Variants in FAF1 observed in about 807,000 individuals in gnomAD.
The protein encoded by FAF1 is FAS-associated factor 1.
A neutral mutation model predicts 92.5 loss-of-function variants in FAF1; 25 were observed. That is an observed-to-expected ratio of 0.27 (90% CI 0.20 to 0.38). The LOEUF (loss-of-function observed/expected upper bound fraction) is 0.38, where lower values mean the gene tolerates loss of function less well. FAF1 is among the 10% of genes least tolerant of loss of function. FAF1 has a pLI of 1.00. For synonymous variants in FAF1, 234 were observed against 273.2 expected, an observed-to-expected ratio of 0.86 and a Z score of 1.42; for missense variants, 636 against 793.3, an observed-to-expected ratio of 0.80 and a Z score of 2.38.
At chr1:50,870,225 G>C (rs1231516517) in intron 1 of FAF1, among the ~76,000 whole-genome samples, 1 of 152,216 alleles carries the variant, frequency 6.6e-6, no homozygotes, top group Non-Finnish European at 1.5e-5. Context: ...GGGAGGCCAA[G>C]GCGGACTGAC....
At chr1:50,865,957 T>G (rs1368888444) in intron 1 of FAF1, among the ~76,000 whole-genome samples, 1 of 151,318 alleles carries the variant, frequency 6.6e-6, no homozygotes, top group Non-Finnish European at 1.5e-5. Context: ...ATACTACAAC[T>G]GATACTAACC....
At chr1:50,673,595 T>A (rs1370507103) in intron 7 of FAF1, among the ~76,000 whole-genome samples, 1 of 152,068 alleles carries the variant, frequency 6.6e-6, no homozygotes, top group African/African-American at 2.4e-5. Context: ...ATTCATAAAT[T>A]TCAGAGTTAG....
At chr1:50,823,284 C>G (rs1644062916) in intron 2 of FAF1, among the ~76,000 whole-genome samples, 1 of 152,136 alleles carries the variant, frequency 6.6e-6, no homozygotes, top group Non-Finnish European at 1.5e-5. Context: ...CAATTTAATT[C>G]AGGAAAGTAG....
chr1:50,776,556 A>G (rs1660969864), intron 4 of FAF1, among the ~76,000 whole-genome samples: 2 of 152,156 alleles, frequency 1.3e-5, no homozygotes, highest in Non-Finnish European at 2.9e-5. Flanking sequence ...TTAATAGTCC[A>G]TCAAAAAAAA....
At chr1:50,818,451 C>T (rs1050787765) in intron 2 of FAF1, among the ~76,000 whole-genome samples, 8 of 152,140 alleles carry the variant, frequency 5.3e-5, no homozygotes, top group African/African-American at 9.7e-5. Flanking sequence ...TACAAATATT[C>T]GTACCGGATA....
chr1:50,446,286 T>G (rs531416567), intron 18 of FAF1, among the ~76,000 whole-genome samples: 1 of 152,212 alleles, frequency 6.6e-6, no homozygotes, highest in Admixed American at 6.5e-5. Context: ...TCTAGTCACA[T>G]CCTTCTGCCT....
intron 3 of FAF1, among the ~76,000 whole-genome samples, chr1:50,796,805 T>C (rs1177001182): frequency 6.6e-6 from 1 of 152,142 alleles, no homozygotes; most frequent in Non-Finnish European, 1.5e-5. Flanking sequence ...TCTGTGTAAC[T>C]GACTCCCTAT....
At chr1:50,780,796 T>C (rs1270789838) in intron 4 of FAF1, 1 of 388,998 alleles carries the variant, frequency 2.6e-6, no homozygotes, top group Non-Finnish European at 5.1e-6. Context: ...AGTGATGGAC[T>C]TACGGAGTGA....
chr1:50,513,093 A>G (rs891125251), intron 15 of FAF1, among the ~76,000 whole-genome samples: 14 of 152,178 alleles, frequency 9.2e-5, no homozygotes, highest in African/African-American at 3.4e-4. Context: ...GGAAAACCAG[A>G]TGGTGGGACT....
chr1:50,603,071 A>T (rs1180158701), intron 8 of FAF1, among the ~76,000 whole-genome samples: 1 of 152,206 alleles, frequency 6.6e-6, no homozygotes, highest in African/African-American at 2.4e-5. Flanking sequence ...AACCAAAATT[A>T]AAACTCAGGC....
chr1:50,731,981 C>G (rs1351143726), intron 6 of FAF1, among the ~76,000 whole-genome samples: 1 of 152,046 alleles, frequency 6.6e-6, no homozygotes, highest in Non-Finnish European at 1.5e-5. Flanking sequence ...ACTACATGGT[C>G]AGTTTTCTAA....
intron 4 of FAF1, among the ~76,000 whole-genome samples, chr1:50,762,377 G>A (rs1214912285): frequency 5.3e-5 from 8 of 152,034 alleles, no homozygotes; most frequent in South Asian, 4.2e-4. Context: ...AGTCTGCATC[G>A]CCAAGTCAAT....
chr1:50,794,401 C>T (rs957790094), intron 3 of FAF1, among the ~76,000 whole-genome samples: 1 of 152,182 alleles, frequency 6.6e-6, no homozygotes, highest in Non-Finnish European at 1.5e-5. Context: ...GAAAAGCCCC[C>T]CACTGGGGAG....
chr1:50,899,504 G>A (rs997555063), intron 1 of FAF1, among the ~76,000 whole-genome samples: 2 of 152,092 alleles, frequency 1.3e-5, no homozygotes, highest in African/African-American at 2.4e-5. Context: ...GTCTCACTCT[G>A]TCACCCAAGC....
chr1:50,608,391 G>A (rs1192259211), intron 8 of FAF1, among the ~76,000 whole-genome samples: 2 of 152,210 alleles, frequency 1.3e-5, no homozygotes, highest in Non-Finnish European at 2.9e-5. Context: ...TTTTACATGA[G>A]TGGGTCAGGA....
At chr1:50,777,743 GA>G (rs549071005) in intron 4 of FAF1, among the ~76,000 whole-genome samples, 2,373 of 79,890 alleles carry the variant, frequency 0.03, 29 homozygotes, top group African/African-American at 0.065. Context: ...TTCATTTTAA[GA>G]AAAAAAAAAA....
At chr1:50,603,225 A>G (rs926268580) in intron 8 of FAF1, among the ~76,000 whole-genome samples, 2 of 152,240 alleles carry the variant, frequency 1.3e-5, no homozygotes, top group African/African-American at 4.8e-5. Context: ...CATTAGTCAG[A>G]AACTACATAG....
At chr1:50,596,302 T>C in intron 8 of FAF1, 86 bp from the exon 9 acceptor site, 1 of 928,874 alleles carries the variant, frequency 1.1e-6, no homozygotes, top group Non-Finnish European at 1.7e-6. Context: ...TTTCTATTAT[T>C]GCTGAAGCTA....
intron 4 of FAF1, among the ~76,000 whole-genome samples, chr1:50,784,406 C>T (rs947580333): frequency 6.6e-6 from 1 of 151,966 alleles, no homozygotes; most frequent in African/African-American, 2.4e-5. Context: ...TAACACTGAA[C>T]AATCTGAAAA....
Sources: allele counts gnomAD v4.1 joint callset (sites outside exome capture counted in the v4.1 genomes callset), GRCh38; gene constraint gnomAD v4.1.1; transcripts MANE v1.5; gene names NCBI Gene and HGNC (gene_info 2026-07-23, HGNC 2026-07-21).